LAMC1: variants seen among roughly 807,000 people sequenced by gnomAD.
LAMC1 encodes the protein laminin subunit gamma 1.
Under a neutral mutation model 173.6 loss-of-function variants are expected in LAMC1, and 38 were observed. The observed-to-expected ratio is 0.22, with a 90% CI of 0.17 to 0.29. LAMC1 has a LOEUF of 0.29. Among genes scored for constraint, LAMC1 ranks in the 10% least tolerant of loss-of-function variants. LAMC1 has a pLI of 1.00. For synonymous variants in LAMC1, 746 were observed against 749.1 expected (o/e 1.00, Z 0.07); for missense variants, 1,824 against 2,051.8 (o/e 0.89, Z 2.14).
At position 183,024,192 on chromosome 1, in the gene LAMC1, C is replaced by T. The variant is rs1424204970; in HGVS notation, c.418+58C>T. ...CTCGCCAGCAGCCCAGCTCCCGGAC[C>T]GGCTCCGTCCCAGTGGCCGGCCTCA... On this transcript the variant is annotated intron_variant, in intron 1 of 27. Coordinates refer to ENST00000258341, the MANE Select transcript of LAMC1 (RefSeq NM_002293.4). 1.8e-5 allele frequency: 26 copies of T among 1,467,014 alleles called. No individual in the cohort carries two copies. In the East Asian group the frequency reaches 3.0e-4, roughly 17 times the overall value. 90.9% of individuals were successfully genotyped at this position (1,467,014 alleles called of 1,614,324 possible).
At chr1:183,115,792 G>A (rs1244703156) in intron 6 of LAMC1, among the ~76,000 whole-genome samples, 155 bp downstream of exon 6, 3 of 152,150 alleles carry the variant, frequency 2.0e-5, no homozygotes, top group African/African-American at 7.2e-5. Flanking sequence ...AGCCACAAGG[G>A]GTTTGGCTTG....
Position 183,054,757 on chromosome 1 carries a change from G to A in LAMC1, c.418+30623G>A, listed in dbSNP as rs559016888. 7.2e-5 allele frequency among the ~76,000 whole-genome samples: 11 copies of A among 152,240 alleles called. No homozygotes were observed. The East Asian group carries it at 1.9e-3, about 27-fold the overall frequency. On this transcript the variant is annotated intron_variant, in intron 1 of 27. Coordinates refer to ENST00000258341, the MANE Select transcript of LAMC1 (RefSeq NM_002293.4). ...TGGAGACTACAAAACTCAATGTGGAGCATTTGGCTTTGATTAAGAGGGAAG... is the reference window on the plus strand; with the variant it reads ...TGGAGACTACAAAACTCAATGTGGAACATTTGGCTTTGATTAAGAGGGAAG...
At chr1:183,105,933 A>T (rs1655967680) in intron 2 of LAMC1, among the ~76,000 whole-genome samples, 1 of 152,230 alleles carries the variant, frequency 6.6e-6, no homozygotes, top group African/African-American at 2.4e-5. Context: ...ATTTATGGTA[A>T]TAATTTACAT....
At chr1:183,120,502 T>A (rs1558054651) in intron 11 of LAMC1, among the ~76,000 whole-genome samples, 1 of 152,230 alleles carries the variant, frequency 6.6e-6, no homozygotes, top group Non-Finnish European at 1.5e-5. Context: ...CTTAGGTGGT[T>A]AATTTTCAAA....
At chr1:183,050,808 T>C (rs1205220494) in intron 1 of LAMC1, among the ~76,000 whole-genome samples, 14 of 149,682 alleles carry the variant, frequency 9.4e-5, no homozygotes. Flanking sequence ...GGAGAATCGC[T>C]TGAACCTGGG....
intron 1 of LAMC1, among the ~76,000 whole-genome samples, chr1:183,044,288 A>G (rs1433279435): frequency 6.6e-6 from 1 of 152,158 alleles, no homozygotes; most frequent in Non-Finnish European, 1.5e-5. Context: ...TTTGGAAGAA[A>G]AATGCCTTCT....
chr1:183,055,161 TG>T (rs962842950), intron 1 of LAMC1, among the ~76,000 whole-genome samples: 90 of 152,008 alleles, frequency 5.9e-4, no homozygotes, highest in African/African-American at 2.1e-3. Context: ...GCTAATTTTT[TG>T]TATTTTTAGC....
intron 1 of LAMC1, among the ~76,000 whole-genome samples, chr1:183,080,790 TC>T (rs1210116125): frequency 2.0e-5 from 3 of 152,096 alleles, no homozygotes; most frequent in African/African-American, 7.2e-5. Flanking sequence ...TTTTTTTTTT[TC>T]AACACAGTCC....
chr1:183,116,582 G>A lies in LAMC1; in HGVS notation c.1334G>A (p.Cys445Tyr). ...HSLTEAGCRP[C>Y]SCDPSGSIDE... ...ATCCATTTTTCATTGAATAGGCCATGCTCTTGTGATCCCTCTGGCAGCATA... is the reference window on the plus strand; with the variant it reads ...ATCCATTTTTCATTGAATAGGCCATACTCTTGTGATCCCTCTGGCAGCATA... Residue 445 changes from cysteine to tyrosine, a missense_variant, in exon 7 of 28, where the codon TGC (cysteine) becomes TAC (tyrosine). Coordinates refer to ENST00000258341, the MANE Select transcript of LAMC1 (RefSeq NM_002293.4). The A allele has an allele frequency of 6.3e-7, 1 of 1,599,786 alleles. No individual in the cohort carries two copies. The highest frequency in any genetic ancestry group is 2.2e-5 in the East Asian group (1 of 44,802).
At position 183,136,720 on chromosome 1, in the gene LAMC1, CT is replaced by C. The variant is rs11306131; in HGVS notation, c.4314+146del. The C allele has an allele frequency of 0.52, 289,262 of 560,100 alleles. 63,629 individuals carry two copies. The highest frequency in any genetic ancestry group is 0.61 in the Admixed American group (18,152 of 29,886). The allele number at this position is 560,100 out of a possible 1,614,324, so 34.7% of individuals were successfully genotyped here. Reference sequence around the variant, plus strand: ...TAAAATTGTCTTAAACCATATTTGTCTTTTTTTTTTTCTTTTGACTAGGCAT... The same window carrying C: ...TAAAATTGTCTTAAACCATATTTGTCTTTTTTTTTTCTTTTGACTAGGCAT... On this transcript the variant is annotated intron_variant, in intron 25 of 27. Transcript: ENST00000258341.
intron 17 of LAMC1, among the ~76,000 whole-genome samples, chr1:183,128,081 G>T (rs1656669110): frequency 6.6e-6 from 1 of 152,122 alleles, no homozygotes; most frequent in South Asian, 2.1e-4. Context: ...TGTGTCTTGG[G>T]TTTTTTGCTT....
At chr1:183,138,680 A>G (rs1206384685) in intron 26 of LAMC1, 1 of 152,176 alleles carries the variant, frequency 6.6e-6, no homozygotes, top group Non-Finnish European at 1.5e-5. Context: ...TAATTTTATT[A>G]TGCTTTTTAC....
chr1:183,128,730 G>C lies in LAMC1; in HGVS notation c.3260G>C (p.Arg1087Pro), dbSNP rs775588493. The change falls in exon 18 of 28, where the codon CGT (arginine) becomes CCT (proline). Residue 1087 changes from arginine to proline, a missense_variant. Coordinates refer to ENST00000258341, the MANE Select transcript of LAMC1 (RefSeq NM_002293.4). ...GAGAGGGAAGTTATGGACCTCCTTC[G>C]TGAGGCCCAGGATGTCAAAGGTACG... ...EAEREVMDLLREAQDVKDVDQ... is the reference protein window; with the variant it reads ...EAEREVMDLLPEAQDVKDVDQ... The C allele has an allele frequency of 1.2e-6, 2 of 1,613,002 alleles. No individual in the cohort carries two copies. Among genetic ancestry groups the C allele is most frequent in the African/African-American group, 1.3e-5 (1 of 74,908 alleles).
chr1:183,127,201 G>GT (rs1656643522), intron 16 of LAMC1, 25 bp from the exon 17 acceptor site: 3 of 1,604,744 alleles, frequency 1.9e-6, no homozygotes, highest in Non-Finnish European at 2.6e-6. Flanking sequence ...TGCTAATTAT[G>GT]TATTATTTTC....
rs758360405 is a variant in LAMC1, at chr1:183,124,765, A to G, written c.2536A>G (p.Thr846Ala). The change falls in exon 14 of 28, where the codon ACG becomes GCG. Residue 846 changes from threonine to alanine, a missense_variant. By Grantham distance (58) the Thr-to-Ala change is moderately conservative (BLOSUM62 0). Transcript: ENST00000258341. Reference sequence around the variant, plus strand: ...TGCAGTTGGAAATTGCAATCGCTTGACGGGAGAATGCCTGAAGTGCATCTA... The same window carrying G: ...TGCAGTTGGAAATTGCAATCGCTTGGCGGGAGAATGCCTGAAGTGCATCTA... ...PNAVGNCNRLTGECLKCIYNT... is the reference protein window; with the variant it reads ...PNAVGNCNRLAGECLKCIYNT... The G allele has an allele frequency of 6.2e-7, 1 of 1,614,192 alleles. No homozygotes were observed. Among genetic ancestry groups the G allele is most frequent in the South Asian group, 1.1e-5 (1 of 91,086 alleles).
intron 5 of LAMC1, among the ~76,000 whole-genome samples, 199 bp from the exon 6 acceptor site, chr1:183,115,321 A>C (rs1656286698): frequency 6.6e-6 from 1 of 152,218 alleles, no homozygotes; most frequent in Non-Finnish European, 1.5e-5. Context: ...AGAAACTTAA[A>C]ATGCCATGAC....
intron 1 of LAMC1, among the ~76,000 whole-genome samples, chr1:183,073,200 A>AG (rs1655053822): frequency 6.6e-6 from 1 of 152,098 alleles, no homozygotes; most frequent in African/African-American, 2.4e-5. Flanking sequence ...GTTGCTGGAG[A>AG]GGATTTACTT....
At chr1:183,088,518 G>A (rs1222635657) in intron 1 of LAMC1, among the ~76,000 whole-genome samples, 1 of 152,236 alleles carries the variant, frequency 6.6e-6, no homozygotes, top group African/African-American at 2.4e-5. Flanking sequence ...GTATGTATGT[G>A]TGCAAGGTTG....
intron 19 of LAMC1, among the ~76,000 whole-genome samples, chr1:183,130,843 G>A (rs546238318): frequency 3.7e-4 from 56 of 152,184 alleles, no homozygotes; most frequent in Admixed American, 4.6e-4. Flanking sequence ...TGCAATCAAG[G>A]GTGCTGATAT....
Sources: gnomAD v4.1 joint callset for allele counts (sites outside exome capture counted in the v4.1 genomes callset) on GRCh38, gnomAD v4.1.1 for gene constraint, MANE v1.5 for transcripts, NCBI Gene and HGNC (gene_info 2026-07-23, HGNC 2026-07-21) for gene names.